SIGLEC7: variants seen among roughly 807,000 people sequenced by gnomAD.
SIGLEC7 encodes sialic acid-binding Ig-like lectin 7.
A neutral mutation model predicts 40.8 loss-of-function variants in SIGLEC7; 33 were observed. The observed-to-expected ratio is 0.81, with a 90% CI of 0.61 to 1.08. The LOEUF is 1.08. Among genes scored for constraint, SIGLEC7 ranks in the 50% least tolerant of loss-of-function variants. SIGLEC7 has a pLI of 0.00. For missense variants in SIGLEC7, 513 were observed against 576.1 expected (o/e 0.89, Z 1.12); for synonymous variants, 242 against 237.6 (o/e 1.02, Z -0.17).
Position 51,142,619 on chromosome 19 carries a change from G to A in SIGLEC7, c.250G>A (p.Ala84Thr). ...WKAPVATNNP[A>T]WAVQEETRDR... ...GGCTCCAGTGGCCACAAACAACCCA[G>A]CTTGGGCAGTGCAGGAGGAAACTCG... Residue 84 changes from alanine to threonine, a missense_variant, in exon 1 of 7, where the codon GCT becomes ACT. By Grantham distance (58) the Ala-to-Thr change is moderately conservative (BLOSUM62 0). Coordinates refer to ENST00000317643, the MANE Select transcript of SIGLEC7 (RefSeq NM_014385.4). The surrounding 1 kb of genome is among the most constrained non-coding windows in gnomAD (Gnocchi z 5.0). 6.2e-7 allele frequency: 1 copy of A among 1,614,142 alleles called. No individual in the cohort carries two copies. Among genetic ancestry groups the A allele is most frequent in the Non-Finnish European group, 8.5e-7 (1 of 1,180,034 alleles).
intron 1 of SIGLEC7, among the ~76,000 whole-genome samples, chr19:51,143,645 C>T (rs2092085801): frequency 6.6e-6 from 1 of 152,124 alleles, no homozygotes; most frequent in Non-Finnish European, 1.5e-5. Context: ...AGGTCTCCAG[C>T]TCCTCTCCAG....
At chr19:51,152,875 T>C (rs1375845215) in intron 6 of SIGLEC7, 188 bp from the exon 7 acceptor site, 1 of 446,338 alleles carries the variant, frequency 2.2e-6, no homozygotes, top group African/African-American at 2.0e-5. Context: ...GTGTTAAATA[T>C]TGCAGGAAAG....
chr19:51,144,675 A>C lies in SIGLEC7; in HGVS notation c.703A>C (p.Asn235His), dbSNP rs1286195812. 1 of 1,613,160 alleles carries C rather than the reference A, an allele frequency of 6.2e-7. No homozygotes were observed. The highest frequency in any genetic ancestry group is 8.5e-7 in the Non-Finnish European group (1 of 1,179,796). ...GACCACGAACAGGACCATCCAACTC[A>C]ATGTGTCCTGTGAGTGCTGAGCCAG... is the stretch of plus-strand genomic sequence containing the variant. ...GVTTNRTIQLNVSYPPQNLTV... is the reference protein window; with the variant it reads ...GVTTNRTIQLHVSYPPQNLTV... The change falls in exon 2 of 7, where the codon AAT becomes CAT. Residue 235 changes from asparagine to histidine, a missense_variant. By Grantham distance (68) the Asn-to-His change is moderately conservative. Transcript: ENST00000317643.
rs897872786 is a variant in SIGLEC7 at position 51,144,739 on chromosome 19, G to A, written c.712+55G>A. ...CTGATGAGGGGGGGACGTCCCTGAGGGCAGAGGATGGGGTCAGGGCTCGAC... is the reference window on the plus strand; with the variant it reads ...CTGATGAGGGGGGGACGTCCCTGAGAGCAGAGGATGGGGTCAGGGCTCGAC... On this transcript the variant is annotated intron_variant, in intron 2 of 6. Transcript: ENST00000317643. The A allele has an allele frequency of 1.5e-5, 24 of 1,594,198 alleles. No homozygotes were observed. The South Asian group carries it at 2.4e-4, about 16-fold the overall frequency.
At chr19:51,144,769 G>A (rs2092096211) in intron 2 of SIGLEC7, 85 bp downstream of exon 2, 14 of 1,581,954 alleles carry the variant, frequency 8.8e-6, no homozygotes, top group Admixed American at 1.7e-5. Context: ...CTCGACACTG[G>A]GTGCTGGGTC....
intron 6 of SIGLEC7, 166 bp from the exon 7 acceptor site, chr19:51,152,897 G>A (rs1448941852): frequency 4.1e-6 from 2 of 487,108 alleles, no homozygotes; most frequent in Non-Finnish European, 7.1e-6. Context: ...ATAAATGAAG[G>A]AGATTTCTAT....
intron 1 of SIGLEC7, among the ~76,000 whole-genome samples, chr19:51,143,423 C>T (rs939421508): frequency 2.0e-5 from 3 of 152,098 alleles, no homozygotes; most frequent in South Asian, 2.1e-4. Flanking sequence ...GGGACCTCCA[C>T]GATGGTCCAG....
intron 6 of SIGLEC7, among the ~76,000 whole-genome samples, chr19:51,148,084 C>T (rs1827575463): frequency 6.6e-6 from 1 of 152,188 alleles, no homozygotes; most frequent in Non-Finnish European, 1.5e-5. Flanking sequence ...AAACATCTAC[C>T]TCTCTAGCAG....
In SIGLEC7 at chr19:51,147,267, G is replaced by A. The variant is rs754299649; in HGVS notation, c.1171G>A (p.Gly391Arg). 1.9e-6 allele frequency: 3 copies of A among 1,612,558 alleles called. No individual in the cohort carries two copies. In the African/African-American group the frequency reaches 4.0e-5, roughly 22 times the overall value. ...ATCGGCAAGGCCAGCAGCGGACGTG[G>A]GAGACATAGGCATGAAGGATGCAAA... is the stretch of plus-strand genomic sequence containing the variant. ...KKSARPAADV[G>R]DIGMKDANTI... The change falls in exon 6 of 7, where the codon GGA becomes AGA. Residue 391 changes from glycine (G) to arginine (R), a missense_variant. Transcript: ENST00000317643.
intron 6 of SIGLEC7, among the ~76,000 whole-genome samples, chr19:51,151,652 A>G (rs1469315426): frequency 2.6e-5 from 4 of 152,224 alleles, no homozygotes; most frequent in Non-Finnish European, 4.4e-5. Context: ...ATGATGTCCT[A>G]TAGTTGAGTC....
chr19:51,145,073 G>T lies in SIGLEC7; in HGVS notation c.760+114G>T. The stretch of plus-strand genomic sequence containing the variant: ...GGTGATATGAGACTCCCTTGTAGTT[G>T]AACCCAGGCCTCCTCCCCATCCTTA... On this transcript the variant is annotated intron_variant, in intron 3 of 6. Coordinates refer to ENST00000317643, the MANE Select transcript of SIGLEC7 (RefSeq NM_014385.4). The surrounding 1 kb of genome is among the most constrained non-coding windows in gnomAD (Gnocchi z 4.3). The T allele has an allele frequency of 9.6e-7, 1 of 1,043,610 alleles. No individual in the cohort carries two copies. Among genetic ancestry groups the T allele is most frequent in the South Asian group, 1.3e-5 (1 of 76,076 alleles). 64.6% of individuals were successfully genotyped at this position (1,043,610 alleles called of 1,614,324 possible). A position where few individuals can be genotyped will look rare whatever the true frequency, so the allele number is the denominator to read the frequency against.
intron 1 of SIGLEC7, chr19:51,143,911 C>T (rs1415426151): frequency 4.3e-6 from 2 of 461,180 alleles, no homozygotes; most frequent in Non-Finnish European, 8.7e-6. Flanking sequence ...CTGTGCCCTG[C>T]AGTGTCCTTT....
intron 4 of SIGLEC7, 118 bp from the exon 5 acceptor site, chr19:51,146,636 C>A: frequency 1.2e-6 from 1 of 800,086 alleles, no homozygotes; most frequent in Non-Finnish European, 2.0e-6. Flanking sequence ...CCATTCTTGC[C>A]CTTTGTTTCT....
In SIGLEC7 at chr19:51,142,725, GGA is replaced by G. The variant is rs758279221; in HGVS notation, c.359_360del (p.Arg120IlefsTer15). 6.2e-7 allele frequency: 1 copy of G among 1,614,058 alleles called. No homozygotes were observed. Among genetic ancestry groups the G allele is most frequent in the South Asian group, 1.1e-5 (1 of 91,078 alleles). On this transcript the variant is annotated frameshift_variant, in exon 1 of 7. Coordinates refer to ENST00000317643, the MANE Select transcript of SIGLEC7 (RefSeq NM_014385.4). LOFTEE classifies it high-confidence loss of function. This position sits in a 1 kb window ranked among gnomAD's most constrained non-coding sequence, Gnocchi z 5.0. ...AGAGATGCCAGAATGAGTGATGCGG[GGA>G]GATACTTCTTTCGTATGGAGAAAGG...
intron 1 of SIGLEC7, 70 bp from the exon 2 acceptor site, chr19:51,144,336 A>T (rs945461536): frequency 2.4e-5 from 37 of 1,523,600 alleles, no homozygotes; most frequent in Admixed American, 4.2e-5. Context: ...GCTGAACCAG[A>T]GCCTGAGCTT....
chr19:51,144,362 C>T, intron 1 of SIGLEC7, 44 bp from the exon 2 acceptor site: 1 of 1,563,134 alleles, frequency 6.4e-7, no homozygotes, highest in Non-Finnish European at 8.6e-7. Context: ...AGGGCTGTAC[C>T]ATGGATCCTC....
At position 51,153,390 on chromosome 19, in the gene SIGLEC7, G is replaced by T; in HGVS notation, c.*145G>T. 1.7e-6 allele frequency: 1 copy of T among 593,836 alleles called. No homozygotes were observed. The allele number at this position is 593,836 out of a possible 1,614,324, so 36.8% of individuals were successfully genotyped here. A position where few individuals can be genotyped will look rare whatever the true frequency, so the allele number is the denominator to read the frequency against. ...TCCTCTTGTCTAACTGAAAATGCAT[G>T]CCTGATGACCAAACTCTCCCTTTCC... On this transcript the variant is annotated 3_prime_UTR_variant, in exon 7 of 7. Transcript: ENST00000317643.
intron 6 of SIGLEC7, among the ~76,000 whole-genome samples, chr19:51,152,758 C>G (rs2092152009): frequency 1.3e-5 from 2 of 152,188 alleles, no homozygotes; most frequent in African/African-American, 4.8e-5. Flanking sequence ...AAGGAAGGGA[C>G]TGGATTGGGT....
chr19:51,146,879 G>A (rs1238612307), intron 5 of SIGLEC7, 29 bp downstream of exon 5: 1 of 1,597,002 alleles, frequency 6.3e-7, no homozygotes, highest in East Asian at 2.2e-5. Flanking sequence ...GAGGGAGGGA[G>A]AGTCCTGGGG....
Sources: gnomAD v4.1 joint callset for allele counts (sites outside exome capture counted in the v4.1 genomes callset) on GRCh38, gnomAD v4.1.1 for gene constraint, Gnocchi (gnomAD v3.1) non-coding constraint, MANE v1.5 for transcripts, NCBI Gene and HGNC (gene_info 2026-07-23, HGNC 2026-07-21) for gene names.